The following CPM variants were observed in gnomAD, a reference collection of about 807,000 sequenced individuals.
The protein encoded by CPM is carboxypeptidase M, also known as renal carboxypeptidase.
CPM carries 35 observed loss-of-function variants against 46.4 expected under a neutral mutation model. That is an observed-to-expected ratio of 0.75 (90% CI 0.58 to 1.00). The LOEUF is 1.00. CPM is among the 50% of genes least tolerant of loss of function. The pLI is 0.00. For missense variants in CPM, 422 were observed against 530.4 expected (o/e 0.80, Z 2.01); for synonymous variants, 195 against 195.3 (o/e 1.00, Z 0.01).
intron 2 of CPM, among the ~76,000 whole-genome samples, chr12:68,909,691 T>C (rs555611152): frequency 1.3e-5 from 2 of 152,232 alleles, no homozygotes; most frequent in South Asian, 4.2e-4. Context: ...TGCAGGGACA[T>C]GGATGAAGCT....
chr12:68,955,703 G>A (rs1006457621), intron 1 of CPM, among the ~76,000 whole-genome samples: 2 of 152,132 alleles, frequency 1.3e-5, no homozygotes, highest in Non-Finnish European at 2.9e-5. Flanking sequence ...TCCGCAGACA[G>A]GTTGTCCTGA....
rs182857204 is a variant in CPM, at chr12:68,920,759, C to T, written c.160+11919G>A. The stretch of plus-strand genomic sequence containing the variant: ...AGGCTGGAGTACAGTGGCACAGTCT[C>T]GGCTCACTGTAACCTCCACCTCCTG... On this transcript the variant is annotated intron_variant, in intron 2 of 8. Coordinates refer to ENST00000551568, the MANE Select transcript of CPM (RefSeq NM_198320.5). Among the ~76,000 whole-genome samples, 342 of 148,346 alleles carry T rather than the reference C, an allele frequency of 2.3e-3. 4 individuals are homozygous for T. The highest frequency in any genetic ancestry group is 4.1e-3 in the Non-Finnish European group (278 of 67,546).
chr12:68,890,992 T>C lies in CPM; in HGVS notation c.161-5103A>G, dbSNP rs562046703. Among the ~76,000 whole-genome samples, 84 of 152,362 alleles carry C rather than the reference T, an allele frequency of 5.5e-4. 1 individual carries two copies. The highest frequency in any genetic ancestry group is 1.9e-3 in the African/African-American group (81 of 41,592). ...GATCAGCTGGTTTCCCAGGCTTGGA[T>C]GTTTCTCTGTGTGTATCCTTACAAG... On this transcript the variant is annotated intron_variant, in intron 2 of 8. Coordinates refer to ENST00000551568, the MANE Select transcript of CPM (RefSeq NM_198320.5).
At chr12:68,882,694 C>T (rs901263398) in intron 3 of CPM, among the ~76,000 whole-genome samples, 5 of 152,212 alleles carry the variant, frequency 3.3e-5, no homozygotes, top group African/African-American at 9.7e-5. Context: ...TGTAAGTGAT[C>T]CTTTTTCTCT....
At position 68,856,309 on chromosome 12, in the gene CPM, C is replaced by CTCT; in HGVS notation, c.*125_*127dup. The CTCT allele has an allele frequency of 9.5e-7, 1 of 1,051,880 alleles. No homozygotes were observed. The highest frequency in any genetic ancestry group is 1.4e-6 in the Non-Finnish European group (1 of 719,272). 65.2% of individuals were successfully genotyped at this position (1,051,880 alleles called of 1,614,324 possible). ...TTGTGGAATTTGGAAACATCCATTTCTCTTCTTCAGGAAGATCGTGGAGTT... is the reference window on the plus strand; with the variant it reads ...TTGTGGAATTTGGAAACATCCATTTCTCTTCTTCTTCAGGAAGATCGTGGAGTT... On this transcript the variant is annotated 3_prime_UTR_variant, in exon 9 of 9. Transcript: ENST00000551568.
Position 68,932,787 on chromosome 12 carries a change from C to T in CPM, c.51G>A (p.Ala17=). The T allele has an allele frequency of 1.9e-6, 3 of 1,614,102 alleles. No individual in the cohort carries two copies. Among genetic ancestry groups the T allele is most frequent in the Non-Finnish European group, 2.5e-6 (3 of 1,180,012 alleles). Residue 17 remains alanine (A), a synonymous_variant, in exon 2 of 9, where the codon GCG becomes GCA. Coordinates refer to ENST00000551568, the MANE Select transcript of CPM (RefSeq NM_198320.5). ...CCTGGCGGTGGTAGTTGAAATCCAG[C>T]GCAGCTACCAAAGGCAGCAACAGCC... is the stretch of plus-strand genomic sequence containing the variant. ...WLGLLLPLVA[A]LDFNYHRQEG... is the part of the protein sequence containing the mutation.
intron 2 of CPM, among the ~76,000 whole-genome samples, chr12:68,930,114 CTT>C (rs1305718451): frequency 6.6e-6 from 1 of 152,068 alleles, no homozygotes; most frequent in Non-Finnish European, 1.5e-5. Flanking sequence ...GAGTTTCACT[CTT>C]GTCACCCAGG....
At chr12:68,960,856 C>A (rs1565812434) in intron 1 of CPM, among the ~76,000 whole-genome samples, 2 of 152,130 alleles carry the variant, frequency 1.3e-5, no homozygotes, top group Admixed American at 6.5e-5. Flanking sequence ...GATTCTGCAC[C>A]TACTTTGTCC....
intron 2 of CPM, among the ~76,000 whole-genome samples, chr12:68,915,907 A>C (rs1380666656): frequency 6.6e-6 from 1 of 152,262 alleles, no homozygotes; most frequent in Non-Finnish European, 1.5e-5. Context: ...TAAGGAACTT[A>C]TCGCAGTTTT....
Position 68,943,529 on chromosome 12 carries a change from A to T in CPM, c.-3-10689T>A, listed in dbSNP as rs527950169. Among the ~76,000 whole-genome samples, 4 of 152,346 alleles carry T rather than the reference A, an allele frequency of 2.6e-5. No homozygotes were observed. In the South Asian group the frequency reaches 8.3e-4, roughly 32 times the overall value. ...TGCAATAGTGGAATAGACCTTTATC[A>T]ACCATAAATTTGTGATAATTTACAA... is the stretch of plus-strand genomic sequence containing the variant. On this transcript the variant is annotated intron_variant, in intron 1 of 8. Transcript: ENST00000546373.
intron 7 of CPM, among the ~76,000 whole-genome samples, chr12:68,864,128 C>T (rs1401522406): frequency 6.6e-6 from 1 of 152,180 alleles, no homozygotes; most frequent in Non-Finnish European, 1.5e-5. Flanking sequence ...TAGAGACAGG[C>T]AGATACACAT....
At chr12:68,953,779 G>A (rs902552371) in intron 1 of CPM, among the ~76,000 whole-genome samples, 2 of 152,176 alleles carry the variant, frequency 1.3e-5, no homozygotes, top group African/African-American at 2.4e-5. Context: ...AAAAATATTC[G>A]TTGAATCAAA....
chr12:68,915,833 C>A (rs913914020), intron 2 of CPM, among the ~76,000 whole-genome samples: 2 of 152,200 alleles, frequency 1.3e-5, no homozygotes, highest in Non-Finnish European at 2.9e-5. Flanking sequence ...ACCAAGATAT[C>A]ATTTTGGGAC....
intron 2 of CPM, chr12:68,913,798 T>G: frequency 1.7e-6 from 1 of 599,228 alleles, no homozygotes; most frequent in East Asian, 3.5e-5. Context: ...GTGTAAAAAG[T>G]TAATCCATCT....
chr12:68,962,080 G>A (rs1889127870), intron 1 of CPM, among the ~76,000 whole-genome samples: 1 of 151,668 alleles, frequency 6.6e-6, no homozygotes, highest in Non-Finnish European at 1.5e-5. Flanking sequence ...GGCGCCTGTA[G>A]TCTCAGCTAC....
intron 7 of CPM, among the ~76,000 whole-genome samples, chr12:68,860,071 C>T (rs532829283): frequency 4.6e-5 from 7 of 152,224 alleles, no homozygotes; most frequent in South Asian, 2.1e-4. Flanking sequence ...CCCCCAGAAA[C>T]GGTTAAAGTG....
chr12:68,891,840 G>A (rs1379426881), intron 2 of CPM, among the ~76,000 whole-genome samples: 3 of 152,056 alleles, frequency 2.0e-5, no homozygotes, highest in Admixed American at 6.6e-5. Context: ...GGGTTCAAAC[G>A]ACTCTCATGT....
intron 2 of CPM, chr12:68,911,835 A>G (rs1887606981): frequency 6.6e-6 from 1 of 152,234 alleles, no homozygotes; most frequent in African/African-American, 2.4e-5. Context: ...GATCACAGCC[A>G]CTGAACAGCA....
intron 4 of CPM, 64 bp from the exon 5 acceptor site, chr12:68,870,463 T>C (rs1363478849): frequency 1.4e-6 from 2 of 1,447,160 alleles, no homozygotes; most frequent in Non-Finnish European, 9.5e-7. Context: ...TCTTACAGTG[T>C]CTTGCCCTTT....
Sources: allele counts gnomAD v4.1 joint callset (sites outside exome capture counted in the v4.1 genomes callset), GRCh38; gene constraint gnomAD v4.1.1; transcripts MANE v1.5; gene names NCBI Gene and HGNC (gene_info 2026-07-23, HGNC 2026-07-21).